Variants in CPS1 observed in about 807,000 individuals in gnomAD.
The protein encoded by CPS1 is carbamoyl-phosphate synthase 1.
CPS1 carries 109 observed loss-of-function variants against 174.6 expected under a neutral mutation model. The ratio of observed to expected loss-of-function variants is 0.62; its 90% confidence interval spans 0.53 to 0.73. The LOEUF is 0.73. CPS1 is among the 30% of genes least tolerant of loss of function. The pLI, the probability that CPS1 is intolerant of heterozygous loss-of-function variation, is 0.00. For synonymous variants in CPS1, 637 were observed against 632.0 expected (o/e 1.01, Z -0.12); for missense variants, 1,689 against 1,821.9 (o/e 0.93, Z 1.33).
chr2:210,642,589 C>T lies in CPS1; in HGVS notation c.3065C>T (p.Thr1022Ile), dbSNP rs1437651658. ...AATTGCAATCCTGAGACTGTGAGCA[C>T]AGACTTTGATGAGTGTGACAAACTG... Reference protein sequence around the residue: ...VVNCNPETVSTDFDECDKLYF... With the variant: ...VVNCNPETVSIDFDECDKLYF... The change falls in exon 25 of 38, where the codon ACA (threonine) becomes ATA (isoleucine). Residue 1022 changes from threonine to isoleucine, a missense_variant. Physicochemically the swap from Thr to Ile is moderately conservative, Grantham distance 89. Transcript: ENST00000233072. The T allele has an allele frequency of 2.5e-6, 4 of 1,613,922 alleles. No individual in the cohort carries two copies. The highest frequency in any genetic ancestry group is 1.3e-5 in the African/African-American group (1 of 74,880).
chr2:210,483,652 A>G (rs1298411697), intron 1 of CPS1, among the ~76,000 whole-genome samples: 2 of 152,114 alleles, frequency 1.3e-5, no homozygotes, highest in Non-Finnish European at 2.9e-5. Flanking sequence ...CCCACTCTCC[A>G]TTATAAATTC....
At chr2:210,567,863 A>G (rs148636659) in intron 1 of CPS1, among the ~76,000 whole-genome samples, 1 of 152,270 alleles carries the variant, frequency 6.6e-6, no homozygotes, top group Non-Finnish European at 1.5e-5. Flanking sequence ...AGAGGAGAAG[A>G]TGAAAATTAG....
At chr2:210,642,278 C>T (rs1239895725) in intron 24 of CPS1, among the ~76,000 whole-genome samples, 2 of 152,100 alleles carry the variant, frequency 1.3e-5, no homozygotes, top group African/African-American at 2.4e-5. Context: ...CCCAATATTT[C>T]CTTGCTGTTT....
intron 33 of CPS1, among the ~76,000 whole-genome samples, chr2:210,667,264 C>T (rs987708186): frequency 2.0e-5 from 3 of 152,140 alleles, no homozygotes; most frequent in South Asian, 2.1e-4. Context: ...ACAATCATGT[C>T]GTCTGCAAAC....
chr2:210,655,644 A>G (rs2105916641), intron 29 of CPS1, among the ~76,000 whole-genome samples: 1 of 152,332 alleles, frequency 6.6e-6, no homozygotes, highest in Non-Finnish European at 1.5e-5. Context: ...ATCCTTACAA[A>G]CATTCTATGA....
chr2:210,675,990 C>T, intron 36 of CPS1, 150 bp downstream of exon 36: 1 of 683,368 alleles, frequency 1.5e-6, no homozygotes, highest in Non-Finnish European at 2.7e-6. Context: ...TTTCACTCTC[C>T]ATCACTATGG....
intron 9 of CPS1, among the ~76,000 whole-genome samples, chr2:210,591,156 A>G (rs1698283768): frequency 6.6e-6 from 1 of 151,976 alleles, no homozygotes; most frequent in African/African-American, 2.4e-5. Context: ...ATTTTTGGAA[A>G]GCAGCCTTCT....
chr2:210,510,222 A>G (rs1695423730), intron 1 of CPS1, among the ~76,000 whole-genome samples: 1 of 152,180 alleles, frequency 6.6e-6, no homozygotes, highest in South Asian at 2.1e-4. Context: ...AAATAATGCC[A>G]CGTTATCTAC....
rs1701590026 is a variant in CPS1 at position 210,678,025 on chromosome 2, G to A, written c.*40G>A. On this transcript the variant is annotated 3_prime_UTR_variant, in exon 38 of 38. Transcript: ENST00000233072. Reference sequence around the variant, plus strand: ...CAGCCCCATTATTAAATCAACCTGAGCCACATGTTATCTAAAGGAACTGAT... The same window carrying A: ...CAGCCCCATTATTAAATCAACCTGAACCACATGTTATCTAAAGGAACTGAT... 2 of 1,431,248 alleles carry A rather than the reference G, an allele frequency of 1.4e-6. No individual in the cohort carries two copies. Among genetic ancestry groups the A allele is most frequent in the South Asian group, 1.1e-5 (1 of 87,366 alleles). The allele number at this position is 1,431,248 out of a possible 1,614,324, so 88.7% of individuals were successfully genotyped here. A position where few individuals can be genotyped will look rare whatever the true frequency, so the allele number is the denominator to read the frequency against.
intron 21 of CPS1, among the ~76,000 whole-genome samples, chr2:210,621,607 A>G (rs1367660230): frequency 6.6e-6 from 1 of 152,108 alleles, no homozygotes; most frequent in East Asian, 1.9e-4. Flanking sequence ...AATTATAAAA[A>G]TCTCACCTAT....
At chr2:210,635,370 T>C (rs1308252203) in intron 21 of CPS1, among the ~76,000 whole-genome samples, 3 of 152,190 alleles carry the variant, frequency 2.0e-5, no homozygotes, top group Non-Finnish European at 4.4e-5. Flanking sequence ...CTCCATAAAG[T>C]GTTTTGAATC....
intron 21 of CPS1, among the ~76,000 whole-genome samples, chr2:210,622,747 G>T (rs1464391705): frequency 1.5e-5 from 2 of 136,970 alleles, no homozygotes; most frequent in African/African-American, 2.7e-5. Context: ...ATTTTATATT[G>T]AAAGACAATC....
chr2:210,631,035 TTA>T, intron 21 of CPS1, among the ~76,000 whole-genome samples: 1 of 151,658 alleles, frequency 6.6e-6, no homozygotes, highest in East Asian at 1.9e-4. Flanking sequence ...TTTTTTTTTT[TTA>T]AAGAGGATAA....
At chr2:210,533,670 A>G (rs1177544462) in intron 1 of CPS1, among the ~76,000 whole-genome samples, 1 of 152,136 alleles carries the variant, frequency 6.6e-6, no homozygotes, top group Non-Finnish European at 1.5e-5. Flanking sequence ...CATGCTTTTT[A>G]TCTGACTCTG....
chr2:210,678,423 T>G lies in CPS1; in HGVS notation c.*438T>G, dbSNP rs7684. The G allele has an allele frequency of 0.36, 69,944 of 195,978 alleles. 13,398 individuals carry two copies. The highest frequency in any genetic ancestry group is 0.47 in the Middle Eastern group (205 of 432). 12.1% of individuals were successfully genotyped at this position (195,978 alleles called of 1,614,324 possible). A position where few individuals can be genotyped will look rare whatever the true frequency, so the allele number is the denominator to read the frequency against. On this transcript the variant is annotated 3_prime_UTR_variant, in exon 38 of 38. Transcript: ENST00000233072. ...GAATACTCTAAAAACTTGATAAAAT[T>G]AAATATAGATTTAATTTATGAACCT...
Position 210,677,961 on chromosome 2 carries a change from G to A in CPS1, c.4479G>A (p.Gln1493=). The change falls in exon 38 of 38, where the codon CAG becomes CAA. Residue 1493 remains glutamine, a synonymous_variant. Coordinates refer to ENST00000233072, the MANE Select transcript of CPS1 (RefSeq NM_001875.5). The stretch of plus-strand genomic sequence containing the variant: ...CCAAGAGTCTTTTCCACTACAGGCA[G>A]TACAGTGCTGGAAAAGCAGCATAGA... ...VDSKSLFHYR[Q]YSAGKAA 1 of 1,613,824 alleles carries A rather than the reference G, an allele frequency of 6.2e-7. No homozygotes were observed. Among genetic ancestry groups the A allele is most frequent in the Middle Eastern group, 1.6e-4 (1 of 6,062 alleles).
At position 210,566,670 on chromosome 2, in the gene CPS1, C is replaced by T. The variant is rs369215904; in HGVS notation, c.127-6628C>T. Among the ~76,000 whole-genome samples the T allele has an allele frequency of 7.3e-4, 111 of 152,288 alleles. 3 individuals carry two copies. The South Asian group carries it at 0.023, about 31-fold the overall frequency. ...AACAGACTGGGTTCAGAAACCGCTG[C>T]TCTTCCAGTTGCTAATAGAATGATC... On this transcript the variant is annotated intron_variant, in intron 1 of 37. Coordinates refer to ENST00000233072, the MANE Select transcript of CPS1 (RefSeq NM_001875.5).
chr2:210,594,178 T>C (rs1034331885), intron 11 of CPS1, among the ~76,000 whole-genome samples: 1 of 151,848 alleles, frequency 6.6e-6, no homozygotes, highest in Non-Finnish European at 1.5e-5. Context: ...ATAGCTTCAA[T>C]TGTTATATCC....
chr2:210,593,335 C>T (rs1232543138), intron 11 of CPS1: 1 of 1,132,290 alleles, frequency 8.8e-7, no homozygotes, highest in Non-Finnish European at 1.1e-6. Context: ...CACAAAAATC[C>T]CTATGGCAAC....
Sources: gnomAD v4.1 joint callset for allele counts (sites outside exome capture counted in the v4.1 genomes callset) on GRCh38, gnomAD v4.1.1 for gene constraint, MANE v1.5 for transcripts, NCBI Gene and HGNC (gene_info 2026-07-23, HGNC 2026-07-21) for gene names.